The following MEMO1 variants were observed in gnomAD, a reference collection of about 807,000 sequenced individuals.
MEMO1 encodes protein MEMO1.
MEMO1 carries 6 observed loss-of-function variants against 45.2 expected under a neutral mutation model. The ratio of observed to expected loss-of-function variants is 0.13; its 90% confidence interval spans 0.07 to 0.26. The LOEUF (loss-of-function observed/expected upper bound fraction) is 0.26, where lower values mean the gene tolerates loss of function less well. Among genes scored for constraint, MEMO1 ranks in the 10% least tolerant of loss-of-function variants. The pLI is 1.00. For missense variants in MEMO1, 184 were observed against 370.5 expected, an observed-to-expected ratio of 0.50 and a Z score of 4.13; for synonymous variants, 78 against 124.3, an observed-to-expected ratio of 0.63 and a Z score of 2.48.
chr2:31,876,689 A>C (rs1310230362), intron 8 of MEMO1, among the ~76,000 whole-genome samples: 1 of 151,352 alleles, frequency 6.6e-6, no homozygotes, highest in African/African-American at 2.4e-5. Flanking sequence ...TTCCTGCCCC[A>C]CCCCCACCAA....
intron 2 of MEMO1, among the ~76,000 whole-genome samples, chr2:31,972,575 G>A (rs1423752230): frequency 6.6e-6 from 1 of 152,138 alleles, no homozygotes; most frequent in Non-Finnish European, 1.5e-5. Flanking sequence ...GCCAGGCATA[G>A]TAGTGTGCAC....
At chr2:31,971,779 G>A (rs1291302098) in intron 2 of MEMO1, among the ~76,000 whole-genome samples, 1 of 152,150 alleles carries the variant, frequency 6.6e-6, no homozygotes, top group Non-Finnish European at 1.5e-5. Context: ...AGACCAGCCT[G>A]GCCAACATAG....
At chr2:31,887,268 C>T (rs915654028) in intron 7 of MEMO1, among the ~76,000 whole-genome samples, 1 of 151,988 alleles carries the variant, frequency 6.6e-6, no homozygotes, top group Non-Finnish European at 1.5e-5. Flanking sequence ...TTTTTAAGTA[C>T]CTTAAAACAA....
At chr2:31,921,644 CCAT>C (rs1558504862) in intron 4 of MEMO1, among the ~76,000 whole-genome samples, 1 of 152,048 alleles carries the variant, frequency 6.6e-6, no homozygotes, top group Non-Finnish European at 1.5e-5. Flanking sequence ...CTAAGATCCA[CCAT>C]GATTTTAATA....
At chr2:31,976,700 C>G (rs1670042272) in intron 2 of MEMO1, among the ~76,000 whole-genome samples, 1 of 151,968 alleles carries the variant, frequency 6.6e-6, no homozygotes, top group South Asian at 2.1e-4. Flanking sequence ...AATTTTTTTG[C>G]TATTTTTGCT....
chr2:31,868,288 G>A lies in MEMO1; in HGVS notation c.*73C>T, dbSNP rs532002978. 3.4e-5 allele frequency: 47 copies of A among 1,363,274 alleles called. No homozygotes were observed. Among genetic ancestry groups the A allele is most frequent in the South Asian group, 1.9e-4 (9 of 47,176 alleles). 84.4% of individuals were successfully genotyped at this position (1,363,274 alleles called of 1,614,324 possible). ...ATCCCCCCAAACCAGGACCAGTATC[G>A]TGGTAAAGGCTAGGCTGGGACCCCG... On this transcript the variant is annotated 3_prime_UTR_variant, in exon 10 of 10. Coordinates refer to ENST00000404530, the MANE Select transcript of MEMO1 (RefSeq NM_001301833.4).
chr2:31,893,980 A>G (rs1257070408), intron 6 of MEMO1, among the ~76,000 whole-genome samples: 1 of 152,150 alleles, frequency 6.6e-6, no homozygotes, highest in East Asian at 1.9e-4. Context: ...ACAGACAAAT[A>G]CTCATGAATT....
chr2:31,980,440 A>T (rs959531951), intron 2 of MEMO1, among the ~76,000 whole-genome samples: 1 of 152,166 alleles, frequency 6.6e-6, no homozygotes, highest in African/African-American at 2.4e-5. Context: ...GTCTATAAAA[A>T]TAAATATATA....
intron 2 of MEMO1, among the ~76,000 whole-genome samples, chr2:31,967,900 C>A (rs1335283220): frequency 1.3e-5 from 2 of 151,998 alleles, no homozygotes; most frequent in South Asian, 2.1e-4. Context: ...ATTATTATAA[C>A]CTCTATCTTC....
chr2:31,956,489 C>T (rs1303626257), intron 2 of MEMO1, among the ~76,000 whole-genome samples: 1 of 152,210 alleles, frequency 6.6e-6, no homozygotes, highest in Admixed American at 6.5e-5. Context: ...AGAGCTTTCA[C>T]TCACAGTTTG....
intron 4 of MEMO1, among the ~76,000 whole-genome samples, chr2:31,927,392 A>G (rs1683268146): frequency 6.6e-6 from 1 of 152,192 alleles, no homozygotes; most frequent in Admixed American, 6.5e-5. Context: ...AGAAACTACC[A>G]TTTGTTGAGT....
chr2:31,995,522 C>T (rs1157356018), intron 2 of MEMO1, among the ~76,000 whole-genome samples: 1 of 151,900 alleles, frequency 6.6e-6, no homozygotes, highest in Non-Finnish European at 1.5e-5. Context: ...ATAAAAGTTT[C>T]ATTCATGGAA....
intron 6 of MEMO1, among the ~76,000 whole-genome samples, chr2:31,911,192 A>C (rs1341159733): frequency 6.6e-6 from 1 of 152,230 alleles, no homozygotes. Context: ...AATACTATTC[A>C]GTGATAAAGA....
intron 2 of MEMO1, among the ~76,000 whole-genome samples, chr2:31,989,805 A>T (rs1671722131): frequency 6.6e-6 from 1 of 152,182 alleles, no homozygotes; most frequent in Non-Finnish European, 1.5e-5. Flanking sequence ...GGCTATCCAT[A>T]AGTATCTGGA....
intron 2 of MEMO1, among the ~76,000 whole-genome samples, chr2:31,969,437 GTA>G (rs1669046142): frequency 6.6e-6 from 1 of 150,452 alleles, no homozygotes; most frequent in African/African-American, 2.5e-5. Context: ...ATATGTGTGT[GTA>G]TACGCATATA....
intron 2 of MEMO1, among the ~76,000 whole-genome samples, chr2:31,945,195 T>C (rs1197865750): frequency 1.3e-5 from 2 of 152,220 alleles, no homozygotes; most frequent in East Asian, 3.8e-4. Context: ...TTACTCAAGT[T>C]GATATATGTT....
intron 2 of MEMO1, among the ~76,000 whole-genome samples, chr2:31,971,543 T>G (rs956283380): frequency 6.6e-6 from 1 of 152,092 alleles, no homozygotes; most frequent in African/African-American, 2.4e-5. Context: ...ACCCTTTATT[T>G]TTTATTATTA....
chr2:31,870,404 G>A (rs1673527579), intron 8 of MEMO1, among the ~76,000 whole-genome samples: 1 of 152,004 alleles, frequency 6.6e-6, no homozygotes, highest in African/African-American at 2.4e-5. Flanking sequence ...AAAATCAAGA[G>A]ATAATTTTAA....
chr2:31,931,046 G>C (rs566109379), intron 4 of MEMO1, among the ~76,000 whole-genome samples: 209 of 152,138 alleles, frequency 1.4e-3, no homozygotes, highest in African/African-American at 4.9e-3. Flanking sequence ...AGGAATAATT[G>C]TTAACAATGC....
Sources: allele counts gnomAD v4.1 joint callset (sites outside exome capture counted in the v4.1 genomes callset), GRCh38; gene constraint gnomAD v4.1.1; transcripts MANE v1.5; gene names NCBI Gene and HGNC (gene_info 2026-07-23, HGNC 2026-07-21).